Variants in GLYR1 observed in about 807,000 individuals in gnomAD.
The protein encoded by GLYR1 is cytokine-like nuclear factor N-PAC.
In GLYR1, 21 loss-of-function variants were observed where a neutral mutation model predicts 72.7. The ratio of observed to expected loss-of-function variants is 0.29; its 90% CI spans 0.20 to 0.42. The LOEUF (loss-of-function observed/expected upper bound fraction) is 0.42, where lower values mean the gene tolerates loss of function less well. Ranked by LOEUF, GLYR1 falls within the 10% of genes least tolerant of loss-of-function variation. The pLI is 1.00. For synonymous variants in GLYR1, 392 were observed against 270.2 expected (o/e 1.45, Z -4.42); for missense variants, 594 against 712.1 (o/e 0.83, Z 1.89).
In GLYR1 at chr16:4,803,481, T is replaced by G. The variant is rs1020642476; in HGVS notation, c.*1755A>C. On this transcript the variant is annotated 3_prime_UTR_variant, in exon 16 of 16. Transcript: ENST00000321919. ...ATTTCAAAAGAAAGGTGAAATAGCTTAAACAGAAATATTCATAAAAAGGAA... is the reference window on the plus strand; with the variant it reads ...ATTTCAAAAGAAAGGTGAAATAGCTGAAACAGAAATATTCATAAAAAGGAA... The G allele has an allele frequency of 6.6e-6, 1 of 152,650 alleles. No individual in the cohort carries two copies. Among genetic ancestry groups the G allele is most frequent in the Non-Finnish European group, 1.5e-5 (1 of 68,040 alleles). 9.5% of individuals were successfully genotyped at this position (152,650 alleles called of 1,614,324 possible). A position where few individuals can be genotyped will look rare whatever the true frequency, so the allele number is the denominator to read the frequency against.
In GLYR1 at chr16:4,832,779, C is replaced by T; in HGVS notation, c.289G>A (p.Asp97Asn). The change falls in exon 4 of 16, where the codon GAC (aspartate) becomes AAC (asparagine). Residue 97 changes from aspartate (D) to asparagine (N), a missense_variant. By Grantham distance (23) the Asp-to-Asn change is conservative. This residue lies in a region of GLYR1 where 252 missense variants were observed against 211.3 expected (regional missense o/e 1.19). Coordinates refer to ENST00000321919, the MANE Select transcript of GLYR1 (RefSeq NM_032569.4). ...EEFLRRAKGKDQTSSHNSSDD... is the reference protein window; with the variant it reads ...EEFLRRAKGKNQTSSHNSSDD... ...GTGAACATTGTGTCTCTCACCTGGT[C>T]TTTCCCTTTGGCTCTCCTGAGGAAC... 1 of 1,608,750 alleles carries T rather than the reference C, an allele frequency of 6.2e-7. No individual in the cohort carries two copies. The highest frequency in any genetic ancestry group is 8.5e-7 in the Non-Finnish European group (1 of 1,177,384).
In GLYR1 at chr16:4,821,173, A is replaced by G; in HGVS notation, c.806+207T>C. The G allele has an allele frequency of 5.0e-6, 3 of 601,168 alleles. No individual in the cohort carries two copies. The Admixed American group carries it at 8.9e-5, about 18-fold the overall frequency. The allele number at this position is 601,168 out of a possible 1,614,324, so 37.2% of individuals were successfully genotyped here. The stretch of plus-strand genomic sequence containing the variant: ...AGTTCTGGAGCCAAAAAAATCCCTC[A>G]GCTTATGCCCAAGGGAGACCCGACC... On this transcript the variant is annotated intron_variant, in intron 9 of 15. Transcript: ENST00000321919.
chr16:4,828,880 G>T (rs1026637157), intron 5 of GLYR1, among the ~76,000 whole-genome samples: 1 of 151,988 alleles, frequency 6.6e-6, no homozygotes, highest in African/African-American at 2.4e-5. Flanking sequence ...TTTATCCAAC[G>T]AGAAGGTATT....
intron 14 of GLYR1, 41 bp from the exon 15 acceptor site, chr16:4,811,335 T>C: frequency 6.2e-7 from 1 of 1,610,132 alleles, no homozygotes; most frequent in South Asian, 1.1e-5. Context: ...GCCAAGGACC[T>C]GAAACTAAAA....
chr16:4,847,098 G>T (rs1355726197), intron 1 of GLYR1, 130 bp downstream of exon 1: 2 of 870,858 alleles, frequency 2.3e-6, no homozygotes, highest in Non-Finnish European at 3.6e-6. Context: ...CGCAAGCGCC[G>T]GCACCTTCTC....
chr16:4,807,041 C>T (rs1379387017), intron 15 of GLYR1, among the ~76,000 whole-genome samples: 7 of 150,378 alleles, frequency 4.7e-5, no homozygotes, highest in African/African-American at 1.2e-4. Flanking sequence ...CTCCTGACCT[C>T]GTGATCCACC....
chr16:4,811,368 T>A (rs1205190335), intron 14 of GLYR1, 74 bp from the exon 15 acceptor site: 4 of 1,586,786 alleles, frequency 2.5e-6, no homozygotes, highest in African/African-American at 1.3e-5. Flanking sequence ...CCACCAGGTG[T>A]CAGTACCTAA....
intron 3 of GLYR1, among the ~76,000 whole-genome samples, chr16:4,834,262 G>A (rs1056501148): frequency 1.3e-5 from 2 of 151,392 alleles, no homozygotes; most frequent in South Asian, 4.2e-4. Flanking sequence ...GGTCTCCCTG[G>A]CACAGCTCCA....
chr16:4,832,649 A>T lies in GLYR1; in HGVS notation c.294+125T>A, dbSNP rs1264278010. 2.6e-6 allele frequency: 3 copies of T among 1,142,472 alleles called. No homozygotes were observed. In the East Asian group the frequency reaches 7.3e-5, roughly 28 times the overall value. The allele number at this position is 1,142,472 out of a possible 1,614,324, so 70.8% of individuals were successfully genotyped here. A position where few individuals can be genotyped will look rare whatever the true frequency, so the allele number is the denominator to read the frequency against. ...CAAAACGCTGACACCTTAGAACTGA[A>T]GTAGCTTTCTCCAGTAGCATTTCAG... On this transcript the variant is annotated intron_variant, in intron 4 of 15. Transcript: ENST00000321919.
At chr16:4,841,353 G>A (rs1596409032) in intron 3 of GLYR1, among the ~76,000 whole-genome samples, 1 of 145,658 alleles carries the variant, frequency 6.9e-6, no homozygotes, top group African/African-American at 2.5e-5. Flanking sequence ...CGGCGCTGTG[G>A]CTCATGCCCA....
In GLYR1 at chr16:4,846,749, C is replaced by G. The variant is rs552809685; in HGVS notation, c.38+479G>C. Reference sequence around the variant, plus strand: ...GAGAAGTCCCCCCGCCGTTTCTTCGCGGGGCAACGCCAGCAGTCCGGTTTA... The same window carrying G: ...GAGAAGTCCCCCCGCCGTTTCTTCGGGGGGCAACGCCAGCAGTCCGGTTTA... On this transcript the variant is annotated intron_variant, in intron 1 of 15. Transcript: ENST00000321919. The G allele has an allele frequency of 3.9e-4, 87 of 225,002 alleles. 1 individual carries two copies. Among genetic ancestry groups the G allele is most frequent in the Non-Finnish European group, 9.0e-5 (10 of 111,392 alleles). The allele number at this position is 225,002 out of a possible 1,614,324, so 13.9% of individuals were successfully genotyped here.
intron 6 of GLYR1, 132 bp from the exon 7 acceptor site, chr16:4,823,063 ACT>A (rs905892128): frequency 1.1e-4 from 83 of 778,938 alleles, no homozygotes; most frequent in Non-Finnish European, 1.6e-4. Flanking sequence ...TTGTCTGGAA[ACT>A]CTTTTCCCAT....
chr16:4,841,762 G>T (rs2085572575), intron 3 of GLYR1, among the ~76,000 whole-genome samples: 1 of 152,190 alleles, frequency 6.6e-6, no homozygotes, highest in African/African-American at 2.4e-5. Flanking sequence ...TATTCATTTA[G>T]CTAATGAAGT....
intron 5 of GLYR1, among the ~76,000 whole-genome samples, chr16:4,827,022 G>A (rs897072311): frequency 1.3e-5 from 2 of 152,270 alleles, no homozygotes; most frequent in Non-Finnish European, 2.9e-5. Context: ...TGGGTGGGCT[G>A]TGCCCAGAGT....
rs908976794 is a variant in GLYR1, at chr16:4,832,194, T to C, written c.322A>G (p.Lys108Glu). The change falls in exon 5 of 16, where the codon AAG becomes GAG. Residue 108 changes from lysine to glutamate, a missense_variant. This residue lies in a region of GLYR1 where 252 missense variants were observed against 211.3 expected (regional missense o/e 1.19). Transcript: ENST00000321919. The stretch of plus-strand genomic sequence containing the variant: ...TCCTCACTGGAATTACGTCGATTCT[T>C]GTCATCAGAAGAATTGTGGGATGAC... ...QTSSHNSSDD[K>E]NRRNSSEERS... 6.8e-6 allele frequency: 11 copies of C among 1,614,204 alleles called. No individual in the cohort carries two copies. Among genetic ancestry groups the C allele is most frequent in the Non-Finnish European group, 7.6e-6 (9 of 1,180,034 alleles).
chr16:4,811,375 C>T (rs1002288167), intron 14 of GLYR1, 81 bp from the exon 15 acceptor site: 4 of 1,565,304 alleles, frequency 2.6e-6, no homozygotes, highest in East Asian at 4.5e-5. Flanking sequence ...GTGTCAGTAC[C>T]TAAAACATAC....
At chr16:4,816,023 C>A (rs1250672287) in intron 10 of GLYR1, among the ~76,000 whole-genome samples, 1 of 152,192 alleles carries the variant, frequency 6.6e-6, no homozygotes, top group African/African-American at 2.4e-5. Context: ...CCAGTCTCTG[C>A]CTTCCAAAGT....
intron 2 of GLYR1, among the ~76,000 whole-genome samples, 194 bp downstream of exon 2, chr16:4,845,980 G>C (rs1156642448): frequency 6.6e-6 from 1 of 152,184 alleles, no homozygotes; most frequent in African/African-American, 2.4e-5. Context: ...TAAGGGTTTA[G>C]AGAAGATTTA....
intron 10 of GLYR1, 76 bp from the exon 11 acceptor site, chr16:4,814,723 G>C: frequency 8.4e-7 from 1 of 1,189,878 alleles, no homozygotes; most frequent in Admixed American, 2.0e-5. Context: ...GAGAATTGCT[G>C]ACCAGGCCTC....
Sources: allele counts gnomAD v4.1 joint callset (sites outside exome capture counted in the v4.1 genomes callset), GRCh38; gene constraint gnomAD v4.1.1; regional missense constraint gnomAD v4.1.1; transcripts MANE v1.5; gene names NCBI Gene and HGNC (gene_info 2026-07-23, HGNC 2026-07-21).